POLR1D: variants seen among roughly 807,000 people sequenced by gnomAD.
The protein encoded by POLR1D is RNA polymerase I and III subunit D, also known as DNA-directed RNA polymerases I and III subunit RPAC2.
Under a neutral mutation model 10.8 loss-of-function variants are expected in POLR1D, and 8 were observed. That is an observed-to-expected ratio of 0.74 (90% CI 0.43 to 1.33). The LOEUF (loss-of-function observed/expected upper bound fraction) is 1.33, where lower values mean the gene tolerates loss of function less well. Ranked by LOEUF, POLR1D falls within the 40% of genes most tolerant of loss-of-function variation. The pLI is 0.01. For missense variants in POLR1D, 152 were observed against 161.7 expected (o/e 0.94, Z 0.32); for synonymous variants, 54 against 57.2 (o/e 0.94, Z 0.25).
chr13:27,659,545 T>C (rs1956339152), intron 2 of POLR1D, among the ~76,000 whole-genome samples: 1 of 152,222 alleles, frequency 6.6e-6, no homozygotes, highest in Non-Finnish European at 1.5e-5. Flanking sequence ...ACTCCTTGTA[T>C]GGCATCACTT....
rs374574921 is a variant in POLR1D, at chr13:27,630,998, C to T, written c.26+8989C>T. Among the ~76,000 whole-genome samples, 8 of 152,328 alleles carry T rather than the reference C, an allele frequency of 5.3e-5. No individual in the cohort carries two copies. In the East Asian group the frequency reaches 1.2e-3, roughly 22 times the overall value. ...TGGCACTTGCCCTTTACTTCCCGAA[C>T]CTCTCTTCCCCTAAATCTTCACATG... On this transcript the variant is annotated intron_variant, in intron 1 of 2. Transcript: ENST00000399697.
chr13:27,623,236 G>T lies in POLR1D; in HGVS notation c.388G>T (p.Glu130Ter), dbSNP rs1955970947. 6.2e-6 allele frequency: 10 copies of T among 1,613,894 alleles called. No individual in the cohort carries two copies. Among genetic ancestry groups the T allele is most frequent in the Non-Finnish European group, 7.6e-6 (9 of 1,180,012 alleles). The change falls in exon 2 of 2, where the codon GAA becomes TAA. Residue 130 changes from glutamate to a stop codon, truncating the protein, a stop_gained. Coordinates refer to ENST00000302979, the MANE Select transcript of POLR1D (RefSeq NM_015972.4). LOFTEE classifies it high-confidence loss of function. Reference protein sequence around the residue: ...DYKDQKASRNESTF With the variant: ...DYKDQKASRN The stretch of plus-strand genomic sequence containing the variant: ...TAAGGATCAAAAAGCAAGCAGAAAT[G>T]AATCCACATTCTAGTCCTTTATGCA...
chr13:27,666,622 G>A (rs1956421611), exon 3 of POLR1D: 1 of 152,004 alleles, frequency 6.6e-6, no homozygotes, highest in African/African-American at 2.4e-5. Flanking sequence ...TAATATATAG[G>A]TCTTAAGTGG....
At chr13:27,622,591 C>G (rs1204186305) in intron 1 of POLR1D, among the ~76,000 whole-genome samples, 1 of 152,140 alleles carries the variant, frequency 6.6e-6, no homozygotes, top group Non-Finnish European at 1.5e-5. Flanking sequence ...TTGCTTGTGA[C>G]TCTACCAAAA....
chr13:27,621,900 C>T lies in POLR1D; in HGVS notation c.-84C>T, dbSNP rs1955932266. 2.8e-6 allele frequency: 4 copies of T among 1,448,154 alleles called. No homozygotes were observed. Among genetic ancestry groups the T allele is most frequent in the South Asian group, 1.2e-5 (1 of 82,354 alleles). 89.7% of individuals were successfully genotyped at this position (1,448,154 alleles called of 1,614,324 possible). On this transcript the variant is annotated 5_prime_UTR_variant, in exon 1 of 2. Coordinates refer to ENST00000302979, the MANE Select transcript of POLR1D (RefSeq NM_015972.4). Reference sequence around the variant, plus strand: ...GCCTTCCGTCGGTCGGTCCTTGCTTCCTGCTTCGCCTCCGCGCCTCGCGCT... The same window carrying T: ...GCCTTCCGTCGGTCGGTCCTTGCTTTCTGCTTCGCCTCCGCGCCTCGCGCT...
At chr13:27,629,695 TTG>T (rs138317105) in intron 1 of POLR1D, among the ~76,000 whole-genome samples, 6,616 of 152,202 alleles carry the variant, frequency 0.043, 198 homozygotes, top group Non-Finnish European at 0.066. Flanking sequence ...CGCAGACAAA[TTG>T]TGTTTCTCCT....
chr13:27,632,737 A>T (rs1445871826), intron 1 of POLR1D, among the ~76,000 whole-genome samples: 2 of 146,028 alleles, frequency 1.4e-5, no homozygotes, highest in African/African-American at 2.5e-5. Context: ...TATATTCATT[A>T]TATATTGCCT....
In POLR1D at chr13:27,640,840, T is replaced by C. The variant is rs187193220; in HGVS notation, c.27-7539T>C. On this transcript the variant is annotated intron_variant, in intron 1 of 2. Transcript: ENST00000399697. ...GACCCCCATGGATACCAAAACCTGATATAAAATGGCATAGTATTTGCATAT... is the reference window on the plus strand; with the variant it reads ...GACCCCCATGGATACCAAAACCTGACATAAAATGGCATAGTATTTGCATAT... Among the ~76,000 whole-genome samples, 22 of 152,262 alleles carry C rather than the reference T, an allele frequency of 1.4e-4. No individual in the cohort carries two copies. In the East Asian group the frequency reaches 4.1e-3, roughly 28 times the overall value.
downstream of POLR1D, among the ~76,000 whole-genome samples, chr13:27,627,876 A>T (rs566669463): frequency 1.3e-5 from 1 of 78,588 alleles, no homozygotes; most frequent in South Asian, 5.1e-4. Flanking sequence ...AGATAAAAGG[A>T]TGGATACAAA....
At chr13:27,637,387 C>T (rs1348489778) in intron 1 of POLR1D, among the ~76,000 whole-genome samples, 1 of 152,208 alleles carries the variant, frequency 6.6e-6, no homozygotes, top group Non-Finnish European at 1.5e-5. Context: ...CAGAGCTCTA[C>T]AACTTTGGCC....
At chr13:27,621,551 C>T (rs927901935), upstream of POLR1D, 2 of 153,240 alleles carry the variant, frequency 1.3e-5, no homozygotes, top group African/African-American at 4.8e-5. Flanking sequence ...AGTCGGGCCG[C>T]TTTCGGACTT....
At chr13:27,631,175 C>G (rs138406053) in intron 1 of POLR1D, among the ~76,000 whole-genome samples, 1 of 152,262 alleles carries the variant, frequency 6.6e-6, no homozygotes, top group African/African-American at 2.4e-5. Context: ...TGGAGCTTAG[C>G]TGGGTGATTT....
In POLR1D at chr13:27,661,177, C is replaced by A. The variant is rs531183959; in HGVS notation, c.102-4509C>A. On this transcript the variant is annotated intron_variant, in intron 2 of 2. Coordinates refer to the POLR1D transcript ENST00000399697. ...GGCATGTGGAACCCTTCCATCACAG[C>A]CTCTGAGCCCACAGGTTTCAAAGTG... is the stretch of plus-strand genomic sequence containing the variant. Among the ~76,000 whole-genome samples, 31 of 152,304 alleles carry A rather than the reference C, an allele frequency of 2.0e-4. No homozygotes were observed. In the Middle Eastern group the frequency reaches 0.01, roughly 50 times the overall value.
At chr13:27,651,610 A>G (rs990661108) in intron 2 of POLR1D, 1 of 152,194 alleles carries the variant, frequency 6.6e-6, no homozygotes, top group Non-Finnish European at 1.5e-5. Flanking sequence ...TACCTAGTAA[A>G]TAATAGATAT....
chr13:27,651,624 A>G (rs752892998), intron 2 of POLR1D: 7 of 152,206 alleles, frequency 4.6e-5, no homozygotes, highest in Non-Finnish European at 8.8e-5. Flanking sequence ...TAGATATATT[A>G]TTTTAAAGTG....
chr13:27,665,743 CA>C lies in POLR1D; in HGVS notation c.160del (p.Thr54HisfsTer94). Reference sequence around the variant, plus strand: ...GATTTCTAATTAACACAATTAAAAACACATTGCCCTCTCATAAAGAGCAAGA... The same window carrying C: ...GATTTCTAATTAACACAATTAAAAACCATTGCCCTCTCATAAAGAGCAAGA... On this transcript the variant is annotated frameshift_variant, in exon 3 of 3. Coordinates refer to the POLR1D transcript ENST00000399697. LOFTEE classifies it low-confidence loss of function (END_TRUNC). 1.9e-6 allele frequency: 3 copies of C among 1,613,064 alleles called. No individual in the cohort carries two copies. Among genetic ancestry groups the C allele is most frequent in the Non-Finnish European group, 2.5e-6 (3 of 1,178,960 alleles).
chr13:27,654,689 C>T (rs574834681), intron 2 of POLR1D, among the ~76,000 whole-genome samples: 1 of 152,166 alleles, frequency 6.6e-6, no homozygotes, highest in South Asian at 2.1e-4. Context: ...TATACACATA[C>T]ATTATTAAAA....
At chr13:27,664,969 A>G (rs1593296550) in intron 2 of POLR1D, 1 of 152,222 alleles carries the variant, frequency 6.6e-6, no homozygotes, top group Non-Finnish European at 1.5e-5. Flanking sequence ...AAGATAATAC[A>G]TAGTATATAA....
chr13:27,660,368 G>A (rs973577598), intron 2 of POLR1D, among the ~76,000 whole-genome samples: 2 of 152,226 alleles, frequency 1.3e-5, no homozygotes, highest in Non-Finnish European at 2.9e-5. Context: ...CTATTTGCTA[G>A]TATGGGAATG....
Sources: gnomAD v4.1 joint callset for allele counts (sites outside exome capture counted in the v4.1 genomes callset) on GRCh38, gnomAD v4.1.1 for gene constraint, MANE v1.5 for transcripts, NCBI Gene and HGNC (gene_info 2026-07-23, HGNC 2026-07-21) for gene names.